Variants in SEMA5A observed in about 807,000 individuals in gnomAD.
SEMA5A encodes the protein semaphorin 5A.
SEMA5A carries 55 observed loss-of-function variants against 135.5 expected under a neutral mutation model. The ratio of observed to expected loss-of-function variants is 0.41; its 90% CI spans 0.33 to 0.51. The LOEUF is 0.51. SEMA5A is among the 20% of genes least tolerant of loss of function. The pLI, the probability that SEMA5A is intolerant of heterozygous loss-of-function variation, is 0.37. For synonymous variants in SEMA5A, 580 were observed against 546.5 expected (o/e 1.06, Z -0.85); for missense variants, 1,290 against 1,419.9 (o/e 0.91, Z 1.47).
intron 6 of SEMA5A, among the ~76,000 whole-genome samples, chr5:9,234,399 GA>G (rs1330960421): frequency 6.6e-6 from 1 of 152,186 alleles, no homozygotes. Flanking sequence ...TGCCAAATAA[GA>G]AAGAGGAACT....
chr5:9,389,223 C>T (rs922062608), intron 2 of SEMA5A, among the ~76,000 whole-genome samples: 7 of 152,122 alleles, frequency 4.6e-5, no homozygotes, highest in African/African-American at 1.7e-4. Flanking sequence ...GCATTCTCCT[C>T]GAATGAAAGT....
intron 5 of SEMA5A, among the ~76,000 whole-genome samples, chr5:9,278,042 T>A (rs4340889): frequency 1.3e-5 from 2 of 151,850 alleles, no homozygotes; most frequent in Admixed American, 1.3e-4. Context: ...TTTGGAGATG[T>A]GTTTATTTTA....
Position 9,038,329 on chromosome 5 carries a change from C to T in SEMA5A, c.*4568G>A, listed in dbSNP as rs1052187623. On this transcript the variant is annotated 3_prime_UTR_variant, in exon 23 of 23. Coordinates refer to ENST00000382496, the MANE Select transcript of SEMA5A (RefSeq NM_003966.3). ...TGTTAATTTTATCAACCATTAGTAC[C>T]TGTTGCCTCTGGTTCTGTGTTCCAG... The T allele has an allele frequency of 1.3e-5, 2 of 152,176 alleles. No individual in the cohort carries two copies. Among genetic ancestry groups the T allele is most frequent in the East Asian group, 3.9e-4 (2 of 5,186 alleles). 9.4% of individuals were successfully genotyped at this position (152,176 alleles called of 1,614,324 possible). A position where few individuals can be genotyped will look rare whatever the true frequency, so the allele number is the denominator to read the frequency against.
Position 9,405,756 on chromosome 5 carries a change from G to A in SEMA5A, c.-77-25733C>T, listed in dbSNP as rs2126584465. On this transcript the variant is annotated intron_variant, in intron 2 of 22. Coordinates refer to ENST00000382496, the MANE Select transcript of SEMA5A (RefSeq NM_003966.3). ...ATCTCCATGCCCTTTTAAATGGAGG[G>A]ACTTCGAATATGCTGGATTCTCTTC... Among the ~76,000 whole-genome samples, 2 of 152,278 alleles carry A rather than the reference G, an allele frequency of 1.3e-5. 1 individual carries two copies. Among genetic ancestry groups the A allele is most frequent in the South Asian group, 4.1e-4 (2 of 4,822 alleles).
rs557431370 is a variant in SEMA5A, at chr5:9,225,901, G to A, written c.432+968C>T. ...GGAGCAGAAGGGTCAGGCCCGGTAG[G>A]TACAGGCACACTGCTTGCTCTGCTA... On this transcript the variant is annotated intron_variant, in intron 7 of 22. Coordinates refer to ENST00000382496, the MANE Select transcript of SEMA5A (RefSeq NM_003966.3). Among the ~76,000 whole-genome samples, 35 of 152,238 alleles carry A rather than the reference G, an allele frequency of 2.3e-4. No individual in the cohort carries two copies. The East Asian group carries it at 2.5e-3, about 11-fold the overall frequency.
chr5:9,312,308 A>G (rs1752174748), intron 5 of SEMA5A, among the ~76,000 whole-genome samples: 2 of 151,498 alleles, frequency 1.3e-5, no homozygotes, highest in Admixed American at 6.6e-5. Context: ...CTGGTTTTCA[A>G]TAGGGGATGG....
At chr5:9,264,791 T>C (rs1360644794) in intron 5 of SEMA5A, among the ~76,000 whole-genome samples, 1 of 151,778 alleles carries the variant, frequency 6.6e-6, no homozygotes, top group East Asian at 1.9e-4. Flanking sequence ...AGGACAAAAA[T>C]ATATCTTTCC....
chr5:9,303,947 T>G (rs1751738092), intron 5 of SEMA5A, among the ~76,000 whole-genome samples: 1 of 152,180 alleles, frequency 6.6e-6, no homozygotes, highest in South Asian at 2.1e-4. Flanking sequence ...TATTCCCTTT[T>G]GTAAAAGATA....
chr5:9,420,094 C>T (rs1469730334), intron 2 of SEMA5A, among the ~76,000 whole-genome samples: 3 of 152,104 alleles, frequency 2.0e-5, no homozygotes, highest in Non-Finnish European at 2.9e-5. Flanking sequence ...CCACTGGTAA[C>T]TTGCACACAT....
chr5:9,441,163 T>C (rs895774500), intron 1 of SEMA5A, among the ~76,000 whole-genome samples: 2 of 152,196 alleles, frequency 1.3e-5, no homozygotes, highest in East Asian at 3.9e-4. Context: ...CAAGAACCTA[T>C]TACACTCTCA....
chr5:9,075,392 T>C (rs1579345498), intron 16 of SEMA5A, among the ~76,000 whole-genome samples: 1 of 137,628 alleles, frequency 7.3e-6, no homozygotes, highest in Non-Finnish European at 1.7e-5. Context: ...ACAAAAGCTT[T>C]AATTGTAATA....
intron 5 of SEMA5A, among the ~76,000 whole-genome samples, chr5:9,270,707 G>T (rs958941176): frequency 6.6e-6 from 1 of 151,934 alleles, no homozygotes; most frequent in Non-Finnish European, 1.5e-5. Flanking sequence ...CAGCGGGTGG[G>T]GGCAGGGGGA....
intron 3 of SEMA5A, among the ~76,000 whole-genome samples, chr5:9,370,764 A>G (rs1489030016): frequency 2.6e-5 from 4 of 152,198 alleles, no homozygotes; most frequent in Non-Finnish European, 4.4e-5. Context: ...TGTCTCCCAA[A>G]TGTAACCAAG....
At chr5:9,429,703 C>T (rs531828801) in intron 2 of SEMA5A, among the ~76,000 whole-genome samples, 8 of 152,110 alleles carry the variant, frequency 5.3e-5, no homozygotes, top group Non-Finnish European at 1.2e-4. Flanking sequence ...GCTGCAGGCA[C>T]AGAAAGGAGT....
chr5:9,179,548 G>C (rs980486366), intron 11 of SEMA5A, among the ~76,000 whole-genome samples: 1 of 152,130 alleles, frequency 6.6e-6, no homozygotes, highest in African/African-American at 2.4e-5. Context: ...GGGAGACCAG[G>C]CATCAGCTAC....
At position 9,066,652 on chromosome 5, in the gene SEMA5A, G is replaced by A. The variant is rs766913647; in HGVS notation, c.2074-6C>T. 6.2e-7 allele frequency: 1 copy of A among 1,613,118 alleles called. No individual in the cohort carries two copies. Among genetic ancestry groups the A allele is most frequent in the Non-Finnish European group, 8.5e-7 (1 of 1,179,584 alleles). On this transcript the variant is annotated splice_polypyrimidine_tract_variant and splice_region_variant and intron_variant, in intron 16 of 22. Coordinates refer to ENST00000382496, the MANE Select transcript of SEMA5A (RefSeq NM_003966.3). ...GTGTTGCAAGACTGGTACTCCTGGG[G>A]AGAATGCGCAGACGAGTGTTACTAT...
intron 2 of SEMA5A, among the ~76,000 whole-genome samples, chr5:9,430,834 T>A (rs920902725): frequency 1.6e-4 from 24 of 152,156 alleles, no homozygotes; most frequent in African/African-American, 4.6e-4. Flanking sequence ...TAAACCAAGT[T>A]TTTTTTGTTT....
At chr5:9,474,668 T>C (rs916890149) in intron 1 of SEMA5A, among the ~76,000 whole-genome samples, 2 of 152,210 alleles carry the variant, frequency 1.3e-5, no homozygotes, top group Admixed American at 6.5e-5. Context: ...ATCATTTCCA[T>C]TGTCAGAGTA....
intron 5 of SEMA5A, among the ~76,000 whole-genome samples, chr5:9,262,884 C>T (rs568941295): frequency 0.011 from 1,007 of 91,864 alleles, 17 homozygotes; most frequent in African/African-American, 0.041. Context: ...TACCCTAAAA[C>T]TTAGATTATA....
Sources: gnomAD v4.1 joint callset for allele counts (sites outside exome capture counted in the v4.1 genomes callset) on GRCh38, gnomAD v4.1.1 for gene constraint, MANE v1.5 for transcripts, NCBI Gene and HGNC (gene_info 2026-07-23, HGNC 2026-07-21) for gene names.